The following PDZD2 variants were observed in gnomAD, a reference collection of about 807,000 sequenced individuals.
The protein encoded by PDZD2 is PDZ domain-containing protein 2.
In PDZD2, 90 loss-of-function variants were observed where a neutral mutation model predicts 220.7. The ratio of observed to expected loss-of-function variants is 0.41; its 90% confidence interval spans 0.34 to 0.49. PDZD2 has a LOEUF of 0.49. PDZD2 is among the 20% of genes least tolerant of loss of function. The pLI is 0.28. For synonymous variants in PDZD2, 1,375 were observed against 1,450.5 expected (o/e 0.95, Z 1.18); for missense variants, 3,174 against 3,608.5 (o/e 0.88, Z 3.08).
At chr5:31,640,552 CAG>C (rs933831230) in intron 1 of PDZD2, among the ~76,000 whole-genome samples, 10 of 152,210 alleles carry the variant, frequency 6.6e-5, no homozygotes, top group African/African-American at 2.4e-4. Flanking sequence ...TCTGTCCTTG[CAG>C]AGAGACCCCC....
chr5:31,777,636 C>A (rs1752776334), intron 1 of PDZD2, among the ~76,000 whole-genome samples: 1 of 152,240 alleles, frequency 6.6e-6, no homozygotes, highest in Non-Finnish European at 1.5e-5. Context: ...ATTGTATATG[C>A]ACCAATCAGC....
intron 7 of PDZD2, among the ~76,000 whole-genome samples, chr5:32,037,830 A>G (rs1199905716): frequency 7.0e-6 from 1 of 143,638 alleles, no homozygotes; most frequent in Non-Finnish European, 1.5e-5. Context: ...ACTTTTGTGT[A>G]TCATTATGAA....
At chr5:31,756,346 C>T (rs549183087) in intron 1 of PDZD2, among the ~76,000 whole-genome samples, 2 of 152,338 alleles carry the variant, frequency 1.3e-5, no homozygotes, top group African/African-American at 4.8e-5. Flanking sequence ...GGATAAGGAC[C>T]ATTTCTAGTT....
chr5:32,072,960 C>T (rs559380035), intron 17 of PDZD2, among the ~76,000 whole-genome samples: 196 of 152,158 alleles, frequency 1.3e-3, no homozygotes, highest in African/African-American at 4.6e-3. Context: ...TAGCTTCATT[C>T]TTTGTAGAAG....
intron 2 of PDZD2, among the ~76,000 whole-genome samples, chr5:31,948,236 T>A (rs1238611156): frequency 6.6e-6 from 1 of 152,152 alleles, no homozygotes; most frequent in Non-Finnish European, 1.5e-5. Flanking sequence ...TTCGGAGTTG[T>A]TTGGGCGAGC....
At position 32,089,733 on chromosome 5, in the gene PDZD2, T is replaced by G; in HGVS notation, c.6285T>G (p.Ile2095Met). Residue 2095 changes from isoleucine to methionine, a missense_variant, in exon 20 of 25, where the codon ATT becomes ATG. Transcript: ENST00000438447. ...ERTNQLKIVEISAEAVSETVC... is the reference protein window; with the variant it reads ...ERTNQLKIVEMSAEAVSETVC... Reference sequence around the variant, plus strand: ...CAAACCAGCTGAAAATCGTGGAGATTTCTGCTGAAGCAGTGTCAGAGACTG... The same window carrying G: ...CAAACCAGCTGAAAATCGTGGAGATGTCTGCTGAAGCAGTGTCAGAGACTG... 6.2e-7 allele frequency: 1 copy of G among 1,614,164 alleles called. No homozygotes were observed. Among genetic ancestry groups the G allele is most frequent in the Admixed American group, 1.7e-5 (1 of 60,028 alleles).
intron 14 of PDZD2, among the ~76,000 whole-genome samples, chr5:32,065,862 C>T (rs1470941748): frequency 6.6e-6 from 1 of 151,986 alleles, no homozygotes; most frequent in Non-Finnish European, 1.5e-5. Flanking sequence ...CCTGTCTCTA[C>T]TAAAAATATA....
intron 2 of PDZD2, among the ~76,000 whole-genome samples, chr5:31,855,579 G>GGGAA (rs1453027872): frequency 5.3e-5 from 8 of 152,216 alleles, no homozygotes; most frequent in African/African-American, 1.9e-4. Context: ...GCAGCAGCCC[G>GGGAA]GGAAATCTGT....
At chr5:31,769,750 A>G (rs1752234251) in intron 1 of PDZD2, among the ~76,000 whole-genome samples, 1 of 152,188 alleles carries the variant, frequency 6.6e-6, no homozygotes, top group South Asian at 2.1e-4. Flanking sequence ...GAGGCCACAG[A>G]GTCTAGAGTT....
At chr5:32,096,910 A>G (rs1008767399) in intron 21 of PDZD2, among the ~76,000 whole-genome samples, 4 of 132,252 alleles carry the variant, frequency 3.0e-5, no homozygotes, top group African/African-American at 1.2e-4. Context: ...ATCATGGCTC[A>G]CTGCAGCCGT....
intron 5 of PDZD2, among the ~76,000 whole-genome samples, chr5:32,006,602 C>G (rs1046347379): frequency 3.3e-5 from 5 of 151,584 alleles, no homozygotes; most frequent in African/African-American, 1.2e-4. Flanking sequence ...GTCTCAAACT[C>G]CTGCCCTCAA....
chr5:32,053,635 G>T, intron 9 of PDZD2, 134 bp from the exon 10 acceptor site: 1 of 638,030 alleles, frequency 1.6e-6, no homozygotes, highest in East Asian at 2.6e-5. Flanking sequence ...TTTAACTCCA[G>T]GCCTGGTTAG....
chr5:31,639,214 C>A lies in PDZD2; in HGVS notation c.-584C>A, dbSNP rs1030938899. Among the ~76,000 whole-genome samples, 11 of 151,672 alleles carry A rather than the reference C, an allele frequency of 7.3e-5. No homozygotes were observed. Among genetic ancestry groups the A allele is most frequent in the Non-Finnish European group, 1.5e-4 (10 of 67,848 alleles). ...GCCGGCCCCGGGCAGCGGGACGCGGCGGGGCGGCGGCTGCAGGCAGCCGAG... is the reference window on the plus strand; with the variant it reads ...GCCGGCCCCGGGCAGCGGGACGCGGAGGGGCGGCGGCTGCAGGCAGCCGAG... On this transcript the variant is annotated 5_prime_UTR_variant, in exon 1 of 25. Transcript: ENST00000438447. This position sits in a 1 kb window ranked among gnomAD's most constrained non-coding sequence, Gnocchi z 4.1.
intron 2 of PDZD2, among the ~76,000 whole-genome samples, chr5:31,807,931 GTAAAA>G (rs1754837968): frequency 6.6e-6 from 1 of 152,172 alleles, no homozygotes; most frequent in African/African-American, 2.4e-5. Context: ...GAACTTGCAT[GTAAAA>G]TTAAATTTAG....
At position 32,045,600 on chromosome 5, in the gene PDZD2, TG is replaced by T. The variant is rs1486028345; in HGVS notation, c.1520-2938del. Among the ~76,000 whole-genome samples the T allele has an allele frequency of 4.0e-5, 6 of 151,534 alleles. No homozygotes were observed. The South Asian group carries it at 1.3e-3, about 32-fold the overall frequency. ...ACCACGCCCAGCTGTTTTTTTTTTT[TG>T]TATTTTTAGTAGAGATAGGGTTTCA... On this transcript the variant is annotated intron_variant, in intron 7 of 24. Coordinates refer to ENST00000438447, the MANE Select transcript of PDZD2 (RefSeq NM_178140.4).
chr5:31,811,047 G>A (rs1050230548), intron 2 of PDZD2, among the ~76,000 whole-genome samples: 3 of 152,136 alleles, frequency 2.0e-5, no homozygotes, highest in Non-Finnish European at 2.9e-5. Context: ...ACAATGGCAC[G>A]ATCTTGGTTG....
At chr5:32,013,397 G>A (rs1214461377) in intron 6 of PDZD2, among the ~76,000 whole-genome samples, 2 of 150,496 alleles carry the variant, frequency 1.3e-5, no homozygotes, top group Non-Finnish European at 3.0e-5. Flanking sequence ...TTTTTTCTGG[G>A]GAGATTATAG....
At chr5:31,886,721 G>C (rs748250987) in intron 2 of PDZD2, among the ~76,000 whole-genome samples, 1 of 149,156 alleles carries the variant, frequency 6.7e-6, no homozygotes, top group African/African-American at 2.5e-5. Flanking sequence ...TTTTTGAGAC[G>C]GAGTCTTGCT....
intron 5 of PDZD2, among the ~76,000 whole-genome samples, chr5:32,002,999 AAC>A (rs1263268414): frequency 2.6e-5 from 3 of 114,454 alleles, no homozygotes; most frequent in Non-Finnish European, 3.6e-5. Context: ...CCCACACACC[AAC>A]ACACACACCA....
Sources: gnomAD v4.1 joint callset for allele counts (sites outside exome capture counted in the v4.1 genomes callset) on GRCh38, gnomAD v4.1.1 for gene constraint, Gnocchi (gnomAD v3.1) non-coding constraint, MANE v1.5 for transcripts, NCBI Gene and HGNC (gene_info 2026-07-23, HGNC 2026-07-21) for gene names.